GALNT13: variants seen among roughly 807,000 people sequenced by gnomAD.
GALNT13 encodes UDP-GalNAc:polypeptide N-acetylgalactosaminyltransferase 13.
In GALNT13, 28 loss-of-function variants were observed where a neutral mutation model predicts 64.2. The observed-to-expected ratio is 0.44, with a 90% CI of 0.32 to 0.60. GALNT13 has a LOEUF of 0.60. Among genes scored for constraint, GALNT13 ranks in the 20% least tolerant of loss-of-function variants. The pLI is 0.05. For missense variants in GALNT13, 577 were observed against 669.8 expected (o/e 0.86, Z 1.53); for synonymous variants, 214 against 224.6 (o/e 0.95, Z 0.42).
the GALNT13 span, among the ~76,000 whole-genome samples, chr2:153,367,809 A>G: frequency 2.6e-4 from 40 of 152,266 alleles, no homozygotes; most frequent in African/African-American, 9.6e-4. Flanking sequence ...AATATTTTTG[A>G]ATACCTAAAT....
At chr2:154,390,734 T>A (rs960228898) in intron 9 of GALNT13, among the ~76,000 whole-genome samples, 1 of 152,212 alleles carries the variant, frequency 6.6e-6, no homozygotes, top group African/African-American at 2.4e-5. Context: ...AAACCTGGAA[T>A]TAATTAAAAT....
the GALNT13 span, among the ~76,000 whole-genome samples, chr2:153,203,212 G>GT: frequency 1.3e-5 from 2 of 152,148 alleles, no homozygotes; most frequent in Non-Finnish European, 2.9e-5. Flanking sequence ...TGTTCATGTT[G>GT]TTTTCACTCC....
intron 3 of GALNT13, among the ~76,000 whole-genome samples, chr2:154,066,987 G>A (rs1467291141): frequency 6.6e-6 from 1 of 151,998 alleles, no homozygotes; most frequent in African/African-American, 2.4e-5. Flanking sequence ...TAAAAAGGTT[G>A]GAGACAAAGT....
the GALNT13 span, among the ~76,000 whole-genome samples, chr2:153,219,246 G>A: frequency 0.14 from 21,406 of 152,172 alleles, 1,676 homozygotes; most frequent in Non-Finnish European, 0.17. Context: ...AGAATTGTAA[G>A]CACAAATGAA....
chr2:153,347,075 T>G, the GALNT13 span, among the ~76,000 whole-genome samples: 1 of 152,232 alleles, frequency 6.6e-6, no homozygotes, highest in African/African-American at 2.4e-5. Flanking sequence ...CTGTTGAATA[T>G]TGTCCTGGCT....
chr2:153,848,721 A>G, the GALNT13 span, among the ~76,000 whole-genome samples: 1,108 of 152,186 alleles, frequency 7.3e-3, 8 homozygotes, highest in Non-Finnish European at 8.1e-3. Context: ...ATAAAAATAT[A>G]CAAACTTTTA....
chr2:153,416,395 A>G, the GALNT13 span, among the ~76,000 whole-genome samples: 1 of 152,338 alleles, frequency 6.6e-6, no homozygotes, highest in South Asian at 2.1e-4. Flanking sequence ...TCTAAACTAC[A>G]TGAATCTTTA....
At chr2:153,160,820 G>A in the GALNT13 span, among the ~76,000 whole-genome samples, 1 of 152,116 alleles carries the variant, frequency 6.6e-6, no homozygotes, top group African/African-American at 2.4e-5. Flanking sequence ...GTTCTGATGG[G>A]AATGATAGGA....
At chr2:154,298,738 GTATA>G (rs1170188838) in intron 8 of GALNT13, among the ~76,000 whole-genome samples, 5 of 59,680 alleles carry the variant, frequency 8.4e-5, no homozygotes, top group Non-Finnish European at 1.5e-4. Flanking sequence ...TTTATATATA[GTATA>G]TATAAATATA....
chr2:153,217,997 A>T, the GALNT13 span, among the ~76,000 whole-genome samples: 1 of 152,134 alleles, frequency 6.6e-6, no homozygotes, highest in African/African-American at 2.4e-5. Context: ...ATTTGAGCCA[A>T]TCTAGTCTGG....
chr2:154,098,090 C>CTT lies in GALNT13; in HGVS notation c.143-42232_143-42231dup, dbSNP rs10673538. 8.9e-3 allele frequency among the ~76,000 whole-genome samples: 1,195 copies of CTT among 134,674 alleles called. 23 individuals carry two copies. The highest frequency in any genetic ancestry group is 0.055 in the East Asian group (247 of 4,458). 88.4% of individuals were successfully genotyped at this position (134,674 alleles called of 152,430 possible). A position where few individuals can be genotyped will look rare whatever the true frequency, so the allele number is the denominator to read the frequency against. ...TCAGTGTGTTTCTCTGCTTGTCTTT[C>CTT]TTTTTTTTTTTTTTTTGTCAGCAGT... On this transcript the variant is annotated intron_variant, in intron 3 of 12. Coordinates refer to ENST00000392825, the MANE Select transcript of GALNT13 (RefSeq NM_052917.4).
At chr2:154,030,330 T>G (rs1698258003) in intron 3 of GALNT13, among the ~76,000 whole-genome samples, 1 of 152,100 alleles carries the variant, frequency 6.6e-6, no homozygotes, top group Non-Finnish European at 1.5e-5. Context: ...AGTGGACTTG[T>G]TATCAGAAAC....
chr2:153,505,733 T>C, the GALNT13 span, among the ~76,000 whole-genome samples: 17 of 152,260 alleles, frequency 1.1e-4, no homozygotes, highest in East Asian at 3.3e-3. Context: ...CTTGATATCA[T>C]TTTGATTTTC....
the GALNT13 span, among the ~76,000 whole-genome samples, chr2:153,554,981 C>G: frequency 6.6e-6 from 1 of 151,864 alleles, no homozygotes; most frequent in Non-Finnish European, 1.5e-5. Flanking sequence ...TATCCCCAGG[C>G]CTAATATATC....
chr2:154,376,345 TAAG>T (rs1697992421), intron 9 of GALNT13, among the ~76,000 whole-genome samples: 1 of 152,178 alleles, frequency 6.6e-6, no homozygotes, highest in Non-Finnish European at 1.5e-5. Context: ...TATAGTCAGA[TAAG>T]AACACGGGTC....
At chr2:153,168,312 A>G in the GALNT13 span, among the ~76,000 whole-genome samples, 3 of 152,226 alleles carry the variant, frequency 2.0e-5, no homozygotes, top group Non-Finnish European at 2.9e-5. Flanking sequence ...AACGTTGACT[A>G]ATATTGACTT....
At chr2:154,163,960 T>C (rs975927669) in intron 4 of GALNT13, among the ~76,000 whole-genome samples, 9 of 152,206 alleles carry the variant, frequency 5.9e-5, no homozygotes, top group Admixed American at 2.6e-4. Flanking sequence ...AGATTTCTTC[T>C]AGCTGTAGGA....
chr2:154,417,559 G>A (rs67396038), intron 11 of GALNT13, among the ~76,000 whole-genome samples: 14,824 of 147,452 alleles, frequency 0.1, 982 homozygotes, highest in African/African-American at 0.19. Context: ...TGCCCAGGCT[G>A]GAGTGCAGTG....
At chr2:153,706,760 G>A in the GALNT13 span, among the ~76,000 whole-genome samples, 4 of 151,954 alleles carry the variant, frequency 2.6e-5, no homozygotes, top group East Asian at 1.9e-4. Flanking sequence ...TTCCCAATAC[G>A]GCATAGTGGA....
Sources: allele counts gnomAD v4.1 joint callset (sites outside exome capture counted in the v4.1 genomes callset), GRCh38; gene constraint gnomAD v4.1.1; transcripts MANE v1.5; gene names NCBI Gene and HGNC (gene_info 2026-07-23, HGNC 2026-07-21).